Variants in CHD6 observed in about 807,000 individuals in gnomAD.
CHD6 encodes ATP-dependent chromatin remodeler CHD6.
In CHD6, 50 loss-of-function variants were observed where a neutral mutation model predicts 276.9. That is an observed-to-expected ratio of 0.18 (90% CI 0.14 to 0.23). The LOEUF is 0.23. Among genes scored for constraint, CHD6 ranks in the 10% least tolerant of loss-of-function variants. The pLI is 1.00. For synonymous variants in CHD6, 1,173 were observed against 1,229.3 expected (o/e 0.95, Z 0.96); for missense variants, 2,564 against 3,365.8 (o/e 0.76, Z 5.89).
In CHD6 at chr20:41,535,009, G is replaced by A. The variant is rs573137927; in HGVS notation, c.34-1439C>T. 1.2e-4 allele frequency among the ~76,000 whole-genome samples: 18 copies of A among 152,282 alleles called. No homozygotes were observed. The South Asian group carries it at 2.7e-3, about 23-fold the overall frequency. Reference sequence around the variant, plus strand: ...AGGATGCCTGGCCCTCAAGGAACAAGTTTTTGCTTAGCATGCAAGGGTGTA... The same window carrying A: ...AGGATGCCTGGCCCTCAAGGAACAAATTTTTGCTTAGCATGCAAGGGTGTA... On this transcript the variant is annotated intron_variant, in intron 2 of 36. Coordinates refer to ENST00000373233, the MANE Select transcript of CHD6 (RefSeq NM_032221.5).
intron 1 of CHD6, among the ~76,000 whole-genome samples, chr20:41,591,379 T>TATACACACACAC (rs1416193560): frequency 6.9e-6 from 1 of 144,100 alleles, no homozygotes; most frequent in African/African-American, 2.6e-5. Context: ...TATATATATA[T>TATACACACACAC]ACACACACAC....
At chr20:41,534,694 TAAATA>T (rs957588308) in intron 2 of CHD6, among the ~76,000 whole-genome samples, 1 of 151,750 alleles carries the variant, frequency 6.6e-6, no homozygotes, top group African/African-American at 2.4e-5. Flanking sequence ...AATAAATAAA[TAAATA>T]AAAGGAAAAC....
intron 1 of CHD6, among the ~76,000 whole-genome samples, chr20:41,591,216 T>C (rs1460850967): frequency 2.5e-5 from 1 of 40,536 alleles, no homozygotes; most frequent in African/African-American, 9.4e-5. Context: ...TGTTGTGGGG[T>C]GGGGGGAGGG....
In CHD6 at chr20:41,427,947, TAC is replaced by T. The variant is rs370898893; in HGVS notation, c.4069-1796_4069-1795del. On this transcript the variant is annotated intron_variant, in intron 27 of 36. Transcript: ENST00000373233. Reference sequence around the variant, plus strand: ...TAGTACTTCCAGCTGAGAAATGCTCTACAGTCTACACAACACAGGTGGCAGGC... The same window carrying T: ...TAGTACTTCCAGCTGAGAAATGCTCTAGTCTACACAACACAGGTGGCAGGC... Among the ~76,000 whole-genome samples, 7 of 152,330 alleles carry T rather than the reference TAC, an allele frequency of 4.6e-5. No homozygotes were observed. In the South Asian group the frequency reaches 8.3e-4, roughly 18 times the overall value.
intron 2 of CHD6, among the ~76,000 whole-genome samples, chr20:41,549,407 A>G (rs1343486071): frequency 6.8e-6 from 1 of 146,538 alleles, no homozygotes; most frequent in Non-Finnish European, 1.5e-5. Flanking sequence ...AAAACCAAAC[A>G]CTGCATGTTC....
At chr20:41,477,469 C>T (rs989726730) in intron 16 of CHD6, among the ~76,000 whole-genome samples, 2 of 151,330 alleles carry the variant, frequency 1.3e-5, no homozygotes, top group African/African-American at 4.9e-5. Context: ...AATAAGACTT[C>T]GATTATATGC....
chr20:41,439,410 C>T (rs1472723709), intron 26 of CHD6, among the ~76,000 whole-genome samples: 1 of 151,716 alleles, frequency 6.6e-6, no homozygotes, highest in Non-Finnish European at 1.5e-5. Context: ...TGAAGAACTA[C>T]AATTTTTAGC....
At chr20:41,478,142 C>T (rs1423464405) in intron 16 of CHD6, among the ~76,000 whole-genome samples, 1 of 152,174 alleles carries the variant, frequency 6.6e-6, no homozygotes, top group Non-Finnish European at 1.5e-5. Context: ...GCCAGATGCA[C>T]AGTGCTCCCA....
At position 41,452,758 on chromosome 20, in the gene CHD6, T is replaced by C; in HGVS notation, c.3305A>G (p.Lys1102Arg). 2.5e-6 allele frequency: 4 copies of C among 1,613,304 alleles called. No individual in the cohort carries two copies. Among genetic ancestry groups the C allele is most frequent in the Non-Finnish European group, 3.4e-6 (4 of 1,179,868 alleles). The stretch of plus-strand genomic sequence containing the variant: ...TACCCACCCAAAGATGAGCAGGTTC[T>C]TCTCTACCCGGAAGCACTCCGCTCG... ...YLRAECFRVEKNLLIFGWGRW... is the reference protein window; with the variant it reads ...YLRAECFRVERNLLIFGWGRW... Residue 1102 changes from lysine (K) to arginine (R), a missense_variant, in exon 21 of 37, where the codon AAG becomes AGG. Lys to Arg is a conservative substitution (Grantham distance 26). This residue lies in a region of CHD6 where 515 missense variants were observed against 739.5 expected (regional missense o/e 0.70). Transcript: ENST00000373233. This position sits in a 1 kb window ranked among gnomAD's most constrained non-coding sequence, Gnocchi z 4.2.
At position 41,533,132 on chromosome 20, in the gene CHD6, G is replaced by A. The variant is rs750763069; in HGVS notation, c.472C>T (p.Arg158Trp). The A allele has an allele frequency of 2.5e-5, 40 of 1,614,040 alleles. No individual in the cohort carries two copies. In the South Asian group the frequency reaches 3.3e-4, roughly 13 times the overall value. The change falls in exon 3 of 37, where the codon CGG (arginine) becomes TGG (tryptophan). Residue 158 changes from arginine (R) to tryptophan (W), a missense_variant. This residue lies in a region of CHD6 where 286 missense variants were observed against 297.8 expected (regional missense o/e 0.96). Coordinates refer to ENST00000373233, the MANE Select transcript of CHD6 (RefSeq NM_032221.5). ...KDGAKKARKP[R>W]EASGTKEAKE... ...GCCTCCTTGGTGCCCGAGGCCTCCCGGGGCTTCCGTGCCTTCTTTGCCCCA... is the reference window on the plus strand; with the variant it reads ...GCCTCCTTGGTGCCCGAGGCCTCCCAGGGCTTCCGTGCCTTCTTTGCCCCA...
Position 41,579,642 on chromosome 20 carries a change from C to T in CHD6, c.-23-28282G>A, listed in dbSNP as rs555620050. ...ATACCTCCTTGTCAGCAGAAATTCTCTGCACATTCCTATGGAGGTGTGCTT... is the reference window on the plus strand; with the variant it reads ...ATACCTCCTTGTCAGCAGAAATTCTTTGCACATTCCTATGGAGGTGTGCTT... On this transcript the variant is annotated intron_variant, in intron 1 of 36. Coordinates refer to ENST00000373233, the MANE Select transcript of CHD6 (RefSeq NM_032221.5). Among the ~76,000 whole-genome samples, 15 of 152,242 alleles carry T rather than the reference C, an allele frequency of 9.9e-5. 3 individuals carry two copies. The highest frequency in any genetic ancestry group is 3.4e-4 in the African/African-American group (14 of 41,546).
chr20:41,437,474 C>T, intron 26 of CHD6, 140 bp from the exon 27 acceptor site: 3 of 594,766 alleles, frequency 5.0e-6, no homozygotes, highest in Non-Finnish European at 9.0e-6. Context: ...ATCACATTCA[C>T]ATTACTTTTA....
intron 1 of CHD6, among the ~76,000 whole-genome samples, chr20:41,573,131 G>T (rs557306544): frequency 1.3e-5 from 2 of 152,034 alleles, no homozygotes; most frequent in African/African-American, 4.8e-5. Flanking sequence ...GGATGGTCTC[G>T]ATTTCCTGAC....
In CHD6 at chr20:41,421,261, A is replaced by C; in HGVS notation, c.5374T>G (p.Cys1792Gly). 6.2e-7 allele frequency: 1 copy of C among 1,614,112 alleles called. No individual in the cohort carries two copies. Among genetic ancestry groups the C allele is most frequent in the Non-Finnish European group, 8.5e-7 (1 of 1,180,044 alleles). ...TCAGGTCTCTGTCCTGCCTCACTGCAGCAGAGCTCCCCTTCCTTTGAAATA... is the reference window on the plus strand; with the variant it reads ...TCAGGTCTCTGTCCTGCCTCACTGCCGCAGAGCTCCCCTTCCTTTGAAATA... ...MSISKEGELC[C>G]SEAGQRPENI... is the part of the protein sequence containing the mutation. The change falls in exon 31 of 37, where the codon TGC (cysteine) becomes GGC (glycine). Residue 1792 changes from cysteine (C) to glycine (G), a missense_variant. Physicochemically the swap from Cys to Gly is radical, Grantham distance 159 (BLOSUM62 -3). Coordinates refer to ENST00000373233, the MANE Select transcript of CHD6 (RefSeq NM_032221.5).
In CHD6 at chr20:41,440,192, A is replaced by G. The variant is rs936459002; in HGVS notation, c.3878-63T>C. ...AGAACTCACAATATTTGCTTTGGGC[A>G]CTAGTCTTTTTGTTTTCCTTATTTA... On this transcript the variant is annotated intron_variant, in intron 25 of 36. Coordinates refer to ENST00000373233, the MANE Select transcript of CHD6 (RefSeq NM_032221.5). 4.7e-6 allele frequency: 7 copies of G among 1,487,810 alleles called. No individual in the cohort carries two copies. The African/African-American group carries it at 9.7e-5, about 21-fold the overall frequency. 92.2% of individuals were successfully genotyped at this position (1,487,810 alleles called of 1,614,324 possible).
chr20:41,423,262 T>C (rs997400159), intron 30 of CHD6, among the ~76,000 whole-genome samples: 8 of 152,222 alleles, frequency 5.3e-5, no homozygotes, highest in Non-Finnish European at 1.0e-4. Context: ...TCTGTGATGT[T>C]TTAAGCTGAA....
intron 6 of CHD6, 86 bp from the exon 7 acceptor site, chr20:41,498,312 C>A: frequency 1.1e-6 from 1 of 899,086 alleles, no homozygotes; most frequent in East Asian, 2.6e-5. Context: ...ATCAATATCT[C>A]TGCCTGATTT....
At chr20:41,581,941 C>T (rs1236498961) in intron 1 of CHD6, among the ~76,000 whole-genome samples, 1 of 152,140 alleles carries the variant, frequency 6.6e-6, no homozygotes, top group African/African-American at 2.4e-5. Flanking sequence ...AAATGTATGT[C>T]TTCTCTGTAT....
intron 2 of CHD6, among the ~76,000 whole-genome samples, chr20:41,549,174 C>T (rs1038090115): frequency 1.3e-5 from 2 of 151,862 alleles, no homozygotes; most frequent in African/African-American, 4.8e-5. Flanking sequence ...AATCATGCTG[C>T]TATAAAGACA....
Sources: gnomAD v4.1 joint callset for allele counts (sites outside exome capture counted in the v4.1 genomes callset) on GRCh38, gnomAD v4.1.1 for gene constraint, gnomAD v4.1.1 regional missense constraint, Gnocchi (gnomAD v3.1) non-coding constraint, MANE v1.5 for transcripts, NCBI Gene and HGNC (gene_info 2026-07-23, HGNC 2026-07-21) for gene names.